The following ETHE1 variants were observed in gnomAD, a reference collection of about 807,000 sequenced individuals.
The protein encoded by ETHE1 is ETHE1 persulfide dioxygenase, also known as persulfide dioxygenase ETHE1, mitochondrial.
Under a neutral mutation model 25.7 loss-of-function variants are expected in ETHE1, and 16 were observed. The ratio of observed to expected loss-of-function variants is 0.62; its 90% confidence interval spans 0.42 to 0.95. The LOEUF (loss-of-function observed/expected upper bound fraction) is 0.95. Ranked by LOEUF, ETHE1 falls within the 40% of genes least tolerant of loss-of-function variation. The pLI, the probability that ETHE1 is intolerant of heterozygous loss-of-function variation, is 0.00. For missense variants in ETHE1, 300 were observed against 333.6 expected (o/e 0.90, Z 0.79); for synonymous variants, 139 against 135.9 (o/e 1.02, Z -0.16).
chr19:43,523,761 C>A (rs990267936), intron 3 of ETHE1, among the ~76,000 whole-genome samples: 2 of 151,830 alleles, frequency 1.3e-5, no homozygotes, highest in African/African-American at 2.4e-5. Flanking sequence ...CATGGTGAAA[C>A]CCTATCTCTA....
chr19:43,523,153 G>A (rs377707888), intron 3 of ETHE1, among the ~76,000 whole-genome samples: 1 of 152,178 alleles, frequency 6.6e-6, no homozygotes, highest in Admixed American at 6.6e-5. Context: ...CAGAAAGGGA[G>A]GCAAGGAAGA....
At chr19:43,508,143 G>A (rs1971833226) in intron 5 of ETHE1, 83 bp from the exon 6 acceptor site, 3 of 1,583,246 alleles carry the variant, frequency 1.9e-6, no homozygotes, top group African/African-American at 2.7e-5. Context: ...GAGGCCTTGG[G>A]TGCCTCTCTG....
intron 3 of ETHE1, 92 bp downstream of exon 3, chr19:43,526,109 A>G (rs1972238251): frequency 1.3e-6 from 2 of 1,586,462 alleles, no homozygotes; most frequent in South Asian, 1.1e-5. Flanking sequence ...CTCCTCCCCA[A>G]GGACTCAGGA....
In ETHE1 at chr19:43,526,215, G is replaced by A. The variant is rs540257240; in HGVS notation, c.361C>T (p.Arg121Cys). 3 of 1,614,134 alleles carry A rather than the reference G, an allele frequency of 1.9e-6. No individual in the cohort carries two copies. Among genetic ancestry groups the A allele is most frequent in the South Asian group, 2.2e-5 (2 of 91,084 alleles). The change falls in exon 3 of 7, where the codon CGC becomes TGC. Residue 121 changes from arginine to cysteine, a missense_variant. Arg to Cys is a radical substitution (Grantham distance 180). Coordinates refer to ENST00000292147, the MANE Select transcript of ETHE1 (RefSeq NM_014297.5). ...ACCCAACTCACGAAGCGCCCGAAGC[G>A]GATGGAGTCTCCATCCTCAATGTGT... ...DLHIEDGDSI[R>C]FGRFALETRA...
intron 3 of ETHE1, among the ~76,000 whole-genome samples, chr19:43,515,931 T>C (rs1290285584): frequency 6.6e-6 from 1 of 152,160 alleles, no homozygotes; most frequent in African/African-American, 2.4e-5. Context: ...GATTAACGAA[T>C]GGGTAACATA....
chr19:43,514,427 G>A (rs1446035607), intron 3 of ETHE1, among the ~76,000 whole-genome samples: 1 of 151,734 alleles, frequency 6.6e-6, no homozygotes, highest in Non-Finnish European at 1.5e-5. Context: ...CAAGCCAGGT[G>A]GAACTGTGAG....
intron 3 of ETHE1, among the ~76,000 whole-genome samples, chr19:43,513,055 GC>G (rs1971950305): frequency 6.6e-6 from 1 of 152,234 alleles, no homozygotes; most frequent in African/African-American, 2.4e-5. Context: ...AGCCTTGGTG[GC>G]TTACACGTGG....
At chr19:43,519,944 T>A (rs1216749344) in intron 3 of ETHE1, among the ~76,000 whole-genome samples, 1 of 151,616 alleles carries the variant, frequency 6.6e-6, no homozygotes, top group African/African-American at 2.4e-5. Flanking sequence ...CAAGGCATGA[T>A]GGTGCACGTC....
intron 3 of ETHE1, chr19:43,525,356 ACACT>A (rs1195075755): frequency 6.6e-6 from 1 of 152,168 alleles, no homozygotes; most frequent in Non-Finnish European, 1.5e-5. Flanking sequence ...TTTCCTCTAA[ACACT>A]CTGACTCAAA....
intron 2 of ETHE1, 25 bp from the exon 3 acceptor site, chr19:43,526,374 C>A: frequency 6.2e-7 from 1 of 1,613,944 alleles, no homozygotes; most frequent in Non-Finnish European, 8.5e-7. Context: ...AGGGACAGGT[C>A]CGGAGGGTAC....
intron 3 of ETHE1, among the ~76,000 whole-genome samples, chr19:43,516,254 C>A (rs1568495898): frequency 6.6e-6 from 1 of 152,090 alleles, no homozygotes; most frequent in Admixed American, 6.6e-5. Context: ...TACCCTGTGG[C>A]TCAACCCTTG....
intron 3 of ETHE1, among the ~76,000 whole-genome samples, chr19:43,517,053 G>A (rs370246339): frequency 1.3e-5 from 2 of 151,514 alleles, no homozygotes; most frequent in Non-Finnish European, 2.9e-5. Flanking sequence ...TGAACTCCTG[G>A]CCTCAAGCAA....
At chr19:43,515,871 C>T (rs1295594762) in intron 3 of ETHE1, among the ~76,000 whole-genome samples, 2 of 152,032 alleles carry the variant, frequency 1.3e-5, no homozygotes, top group African/African-American at 2.4e-5. Flanking sequence ...CCACCGTGAC[C>T]GGCCAATCTA....
chr19:43,508,346 CTTTT>C (rs397933393), intron 5 of ETHE1, among the ~76,000 whole-genome samples: 7 of 124,696 alleles, frequency 5.6e-5, no homozygotes, highest in Admixed American at 8.6e-5. Context: ...CACTTTATCT[CTTTT>C]TTTTTTTTTT....
At chr19:43,510,107 C>T (rs1436083024) in intron 4 of ETHE1, among the ~76,000 whole-genome samples, 1 of 152,082 alleles carries the variant, frequency 6.6e-6, no homozygotes, top group African/African-American at 2.4e-5. Flanking sequence ...GTCTTTCCCT[C>T]TCATCCAGCC....
intron 3 of ETHE1, among the ~76,000 whole-genome samples, chr19:43,517,344 A>C (rs936071499): frequency 0.018 from 8 of 444 alleles, no homozygotes; most frequent in African/African-American, 0.11. Context: ...CAGTAGGTTA[A>C]ATGTATTAAA....
intron 1 of ETHE1, 106 bp from the exon 2 acceptor site, chr19:43,526,765 A>AC (rs1972259217): frequency 1.3e-6 from 2 of 1,566,912 alleles, no homozygotes; most frequent in Non-Finnish European, 1.7e-6. Context: ...AGAAGCAGAA[A>AC]CCCCAGCCCA....
intron 4 of ETHE1, among the ~76,000 whole-genome samples, chr19:43,510,992 T>C (rs760543182): frequency 3.9e-5 from 6 of 152,050 alleles, no homozygotes; most frequent in African/African-American, 7.2e-5. Flanking sequence ...TATTGCGAAC[T>C]GCACATGCGA....
At position 43,526,505 on chromosome 19, in the gene ETHE1, C is replaced by T. The variant is rs376156983; in HGVS notation, c.226+10G>A. 9 of 1,612,212 alleles carry T rather than the reference C, an allele frequency of 5.6e-6. No homozygotes were observed. In the African/African-American group the frequency reaches 8.0e-5, roughly 14 times the overall value. ...CCGCTGGGATCCATGAGTTTGGTCC[C>T]CGGACTGACCAGCATAGAGCAGCCG... On this transcript the variant is annotated intron_variant, in intron 2 of 6. Coordinates refer to ENST00000292147, the MANE Select transcript of ETHE1 (RefSeq NM_014297.5).
Sources: gnomAD v4.1 joint callset for allele counts (sites outside exome capture counted in the v4.1 genomes callset) on GRCh38, gnomAD v4.1.1 for gene constraint, MANE v1.5 for transcripts, NCBI Gene and HGNC (gene_info 2026-07-23, HGNC 2026-07-21) for gene names.